The following ESR1 variants were observed in gnomAD, a reference collection of about 807,000 sequenced individuals.
ESR1 encodes the protein estrogen receptor.
In ESR1, 12 loss-of-function variants were observed where a neutral mutation model predicts 52.7. That is an observed-to-expected ratio of 0.23 (90% CI 0.15 to 0.37). The LOEUF (loss-of-function observed/expected upper bound fraction) is 0.37. ESR1 is among the 10% of genes least tolerant of loss of function. The probability of loss-of-function intolerance (pLI) is 1.00; values close to 1 mark genes in which losing one functional copy is unlikely to be tolerated. For missense variants in ESR1, 584 were observed against 779.7 expected (o/e 0.75, Z 2.99); for synonymous variants, 305 against 316.8 (o/e 0.96, Z 0.39).
intron 4 of ESR1, among the ~76,000 whole-genome samples, chr6:152,007,466 A>G (rs2128761737): frequency 6.6e-6 from 1 of 152,142 alleles, no homozygotes; most frequent in African/African-American, 2.4e-5. Flanking sequence ...TTTATTAGCC[A>G]GATTACTGCC....
At position 152,016,181 on chromosome 6, in the gene ESR1, G is replaced by A. The variant is rs903612441; in HGVS notation, c.1235+4387G>A. ...GTGACTTTGCTCCTCCTTGCCTTCC[G>A]CCATGATTATGAGGCCTCCTCAGCC... On this transcript the variant is annotated intron_variant, in intron 5 of 7. Transcript: ENST00000206249. Among the ~76,000 whole-genome samples, 9 of 152,094 alleles carry A rather than the reference G, an allele frequency of 5.9e-5. No homozygotes were observed. In the South Asian group the frequency reaches 8.3e-4, roughly 14 times the overall value.
At chr6:151,925,657 T>C (rs1323088048) in intron 3 of ESR1, among the ~76,000 whole-genome samples, 1 of 152,158 alleles carries the variant, frequency 6.6e-6, no homozygotes, top group Non-Finnish European at 1.5e-5. Flanking sequence ...GGGTTTTTGT[T>C]TTCTTTTTGT....
chr6:151,846,451 A>T (rs1048694547), intron 2 of ESR1, among the ~76,000 whole-genome samples: 1 of 152,102 alleles, frequency 6.6e-6, no homozygotes, highest in Non-Finnish European at 1.5e-5. Flanking sequence ...ATTGTCTGTG[A>T]CTCTTTATAA....
At chr6:151,972,267 G>GA (rs2038987729) in intron 4 of ESR1, among the ~76,000 whole-genome samples, 2 of 152,008 alleles carry the variant, frequency 1.3e-5, no homozygotes, top group African/African-American at 4.8e-5. Context: ...TATTCCACAA[G>GA]ACAGAGAAAG....
chr6:152,003,843 C>T (rs1376204717), intron 4 of ESR1, among the ~76,000 whole-genome samples: 3 of 151,742 alleles, frequency 2.0e-5, no homozygotes, highest in Non-Finnish European at 4.4e-5. Flanking sequence ...TTGTATATAT[C>T]GTGATCAGAA....
rs187436562 is a variant in ESR1, at chr6:151,699,746, G to A, written c.-201-2129G>A. ...TGTTGGTGTCAATCTCGACTGCCAG[G>A]ATTTATGGTAGATTATATAATGGAA... On this transcript the variant is annotated intron_variant, in intron 1 of 2. Transcript: ENST00000404742. Among the ~76,000 whole-genome samples, 286 of 152,294 alleles carry A rather than the reference G, an allele frequency of 1.9e-3. 4 individuals carry two copies. Among genetic ancestry groups the A allele is most frequent in the Non-Finnish European group, 5.0e-4 (34 of 68,020 alleles).
At chr6:152,028,773 G>A (rs1324239970) in intron 5 of ESR1, among the ~76,000 whole-genome samples, 1 of 152,236 alleles carries the variant, frequency 6.6e-6, no homozygotes, top group Non-Finnish European at 1.5e-5. Context: ...AAATGTCCCT[G>A]TCTGACAGCT....
intron 4 of ESR1, among the ~76,000 whole-genome samples, chr6:152,007,858 T>C (rs919906484): frequency 2.0e-5 from 3 of 152,118 alleles, no homozygotes; most frequent in African/African-American, 7.2e-5. Flanking sequence ...CACGTTATTA[T>C]TGGTGACACT....
At chr6:152,111,404 G>C (rs1051893806) in intron 6 of ESR1, among the ~76,000 whole-genome samples, 14 of 152,188 alleles carry the variant, frequency 9.2e-5, no homozygotes, top group Admixed American at 2.6e-4. Context: ...TCGCCCCAAG[G>C]GTTGCAGGAC....
chr6:151,736,375 G>GTTTTTTTCTTTTTTTTTTTTTTTTTTTTT (rs1782666938), intron 2 of ESR1, among the ~76,000 whole-genome samples: 1 of 112,742 alleles, frequency 8.9e-6, no homozygotes, highest in African/African-American at 3.8e-5. Context: ...TCCAGGTAGT[G>GTTTTTTTCTTTTTTTTTTTTTTTTTTTTT]TTTTTTTTTT....
intron 3 of ESR1, among the ~76,000 whole-genome samples, chr6:151,938,884 T>G (rs1266242613): frequency 1.3e-5 from 2 of 152,178 alleles, no homozygotes; most frequent in African/African-American, 2.4e-5. Flanking sequence ...GCTTGCAGGA[T>G]GAAAGAGAGC....
In ESR1 at chr6:151,781,923, A is replaced by G. The variant is rs187263732; in HGVS notation, c.-70-25920A>G. 4.3e-3 allele frequency among the ~76,000 whole-genome samples: 654 copies of G among 152,332 alleles called. 3 individuals are homozygous for G. Among genetic ancestry groups the G allele is most frequent in the African/African-American group, 0.015 (632 of 41,588 alleles). On this transcript the variant is annotated intron_variant, in intron 2 of 2. Coordinates refer to the ESR1 transcript ENST00000404742. ...TTTTATTGTTACTCTGCTTTTTTGAAAAAGAAGTGTGTGAAGCAGAGGTAA... is the reference window on the plus strand; with the variant it reads ...TTTTATTGTTACTCTGCTTTTTTGAGAAAGAAGTGTGTGAAGCAGAGGTAA...
chr6:151,913,318 C>T (rs1271303460), intron 3 of ESR1, among the ~76,000 whole-genome samples: 2 of 152,090 alleles, frequency 1.3e-5, no homozygotes, highest in South Asian at 2.1e-4. Flanking sequence ...CTCCCCCACA[C>T]GTAAACAGAA....
intron 1 of ESR1, among the ~76,000 whole-genome samples, chr6:151,663,672 C>G (rs530528669): frequency 1.3e-5 from 2 of 152,266 alleles, no homozygotes; most frequent in Admixed American, 6.5e-5. Flanking sequence ...AGTGGCCCCA[C>G]AGAGTACGGC....
intron 1 of ESR1, among the ~76,000 whole-genome samples, chr6:151,693,703 C>T (rs908275751): frequency 2.6e-5 from 4 of 152,140 alleles, no homozygotes; most frequent in African/African-American, 2.4e-5. Flanking sequence ...CTGCAACCTC[C>T]GCCTCCCAGG....
intron 2 of ESR1, among the ~76,000 whole-genome samples, chr6:151,767,993 T>C (rs549284142): frequency 1.3e-5 from 2 of 152,308 alleles, no homozygotes; most frequent in South Asian, 4.1e-4. Flanking sequence ...ACTTCAGCTG[T>C]GTGTCCAGGA....
At position 151,794,924 on chromosome 6, in the gene ESR1, C is replaced by T. The variant is rs1029316350; in HGVS notation, c.-70-12919C>T. Reference sequence around the variant, plus strand: ...CAACAGCTCTTTATTTCGTCCAAAACCTTTGGGCCACACAATTCTGACCTT... The same window carrying T: ...CAACAGCTCTTTATTTCGTCCAAAATCTTTGGGCCACACAATTCTGACCTT... On this transcript the variant is annotated intron_variant, in intron 2 of 2. Coordinates refer to the ESR1 transcript ENST00000404742. Among the ~76,000 whole-genome samples, 4 of 152,106 alleles carry T rather than the reference C, an allele frequency of 2.6e-5. No individual in the cohort carries two copies. The East Asian group carries it at 5.8e-4, about 22-fold the overall frequency.
intron 3 of ESR1, among the ~76,000 whole-genome samples, chr6:151,906,562 A>G (rs576815188): frequency 1.4e-4 from 21 of 151,688 alleles, no homozygotes; most frequent in Non-Finnish European, 2.8e-4. Context: ...CTGAATTTTT[A>G]TTTCCAAATA....
intron 2 of ESR1, among the ~76,000 whole-genome samples, chr6:151,791,777 T>C (rs2128132498): frequency 6.6e-6 from 1 of 152,328 alleles, no homozygotes; most frequent in South Asian, 2.1e-4. Flanking sequence ...GTTCTATATT[T>C]CAGATAGTAT....
Sources: allele counts gnomAD v4.1 joint callset (sites outside exome capture counted in the v4.1 genomes callset), GRCh38; gene constraint gnomAD v4.1.1; transcripts MANE v1.5; gene names NCBI Gene and HGNC (gene_info 2026-07-23, HGNC 2026-07-21).